RANBP17: variants seen among roughly 807,000 people sequenced by gnomAD.
The protein encoded by RANBP17 is RAN binding protein 17.
A neutral mutation model predicts 141.2 loss-of-function variants in RANBP17; 158 were observed. The observed-to-expected ratio is 1.12, with a 90% CI of 0.98 to 1.28. The LOEUF (loss-of-function observed/expected upper bound fraction) is 1.28. Ranked by LOEUF, RANBP17 falls within the 50% of genes most tolerant of loss-of-function variation. The probability of loss-of-function intolerance (pLI) is 0.00; values close to 1 mark genes in which losing one functional copy is unlikely to be tolerated. For synonymous variants in RANBP17, 430 were observed against 450.0 expected (o/e 0.96, Z 0.56); for missense variants, 1,438 against 1,290.7 (o/e 1.11, Z -1.75).
intron 14 of RANBP17, among the ~76,000 whole-genome samples, chr5:171,090,792 G>T (rs376103362): frequency 1.0e-3 from 159 of 152,342 alleles, no homozygotes; most frequent in African/African-American, 3.8e-3. Flanking sequence ...GCTTCAGAGG[G>T]TGGAAGCCCC....
chr5:170,947,718 T>C (rs1413447452), intron 12 of RANBP17, among the ~76,000 whole-genome samples: 1 of 152,074 alleles, frequency 6.6e-6, no homozygotes, highest in Non-Finnish European at 1.5e-5. Context: ...GAGTGTATAC[T>C]CTATCTAGTT....
chr5:170,867,866 C>G (rs530429365), intron 1 of RANBP17, among the ~76,000 whole-genome samples: 2 of 152,262 alleles, frequency 1.3e-5, no homozygotes, highest in African/African-American at 4.8e-5. Context: ...TCCATCCCCC[C>G]AAAAGTTTCC....
At chr5:171,265,350 C>T (rs931748266) in intron 24 of RANBP17, among the ~76,000 whole-genome samples, 1 of 152,164 alleles carries the variant, frequency 6.6e-6, no homozygotes, top group Admixed American at 6.5e-5. Context: ...GCCTGACCAA[C>T]ATGGAGAAAC....
At chr5:171,266,055 T>A (rs1766653970) in intron 25 of RANBP17, among the ~76,000 whole-genome samples, 1 of 152,188 alleles carries the variant, frequency 6.6e-6, no homozygotes, top group African/African-American at 2.4e-5. Flanking sequence ...ACCTGGGTTG[T>A]TCATCTCACC....
At chr5:171,287,421 C>T (rs1375425690) in intron 25 of RANBP17, among the ~76,000 whole-genome samples, 2 of 150,400 alleles carry the variant, frequency 1.3e-5, no homozygotes, top group Non-Finnish European at 2.9e-5. Flanking sequence ...ACCCCGGAGG[C>T]GGAGGTTGCA....
chr5:171,053,523 G>A (rs1302242288), intron 14 of RANBP17, among the ~76,000 whole-genome samples: 1 of 151,934 alleles, frequency 6.6e-6, no homozygotes, highest in Non-Finnish European at 1.5e-5. Flanking sequence ...TTGGATTGTT[G>A]ATTGCTAGTA....
intron 19 of RANBP17, among the ~76,000 whole-genome samples, chr5:171,202,328 T>C (rs1228375418): frequency 6.6e-6 from 1 of 152,168 alleles, no homozygotes; most frequent in African/African-American, 2.4e-5. Context: ...TGGTAAAATA[T>C]AGTCCAGTAC....
intron 14 of RANBP17, among the ~76,000 whole-genome samples, chr5:171,095,350 C>G (rs562066088): frequency 2.0e-4 from 30 of 152,140 alleles, no homozygotes; most frequent in African/African-American, 6.3e-4. Context: ...CATGTTTAGA[C>G]TGGTTTGTGG....
intron 14 of RANBP17, among the ~76,000 whole-genome samples, chr5:171,138,027 G>A (rs1757437115): frequency 6.6e-6 from 1 of 151,316 alleles, no homozygotes; most frequent in African/African-American, 2.4e-5. Flanking sequence ...CCATCACTAA[G>A]TATTCAAAAG....
At chr5:170,862,877 A>G (rs1413863259) in intron 1 of RANBP17, among the ~76,000 whole-genome samples, 1 of 152,226 alleles carries the variant, frequency 6.6e-6, no homozygotes, top group East Asian at 1.9e-4. Flanking sequence ...ATTACAGTAC[A>G]AGTGAAAAAT....
At chr5:171,297,057 A>G (rs1768864767) in intron 27 of RANBP17, among the ~76,000 whole-genome samples, 1 of 152,228 alleles carries the variant, frequency 6.6e-6, no homozygotes, top group Non-Finnish European at 1.5e-5. Context: ...ATCAGTTGTG[A>G]TGTTTAAATG....
At chr5:171,148,179 T>C (rs1373402768) in intron 14 of RANBP17, among the ~76,000 whole-genome samples, 1 of 152,104 alleles carries the variant, frequency 6.6e-6, no homozygotes, top group East Asian at 1.9e-4. Context: ...GTTAAACAGA[T>C]GCTTGAAGGC....
At chr5:171,133,808 T>A (rs1757090161) in intron 14 of RANBP17, among the ~76,000 whole-genome samples, 2 of 152,212 alleles carry the variant, frequency 1.3e-5, no homozygotes, top group Admixed American at 1.3e-4. Flanking sequence ...GTTCTTATTT[T>A]GAAAAAGAAC....
At position 170,914,220 on chromosome 5, in the gene RANBP17, C is replaced by T; in HGVS notation, c.814C>T (p.Pro272Ser). 2 of 1,606,472 alleles carry T rather than the reference C, an allele frequency of 1.2e-6. No individual in the cohort carries two copies. Among genetic ancestry groups the T allele is most frequent in the Non-Finnish European group, 1.7e-6 (2 of 1,173,578 alleles). The change falls in exon 8 of 28, where the codon CCA (proline) becomes TCA (serine). Residue 272 changes from proline to serine, a missense_variant. Transcript: ENST00000523189. The part of the protein sequence containing the change: ...DLFFNLYHSL[P>S]PLLSQLALSC... ...TTTCTTCAATTTGTATCATTCACTT[C>T]CACCACTACTATCTCAGTTAGTAAG...
chr5:170,979,184 C>G (rs1457677132), intron 14 of RANBP17, among the ~76,000 whole-genome samples: 2 of 152,092 alleles, frequency 1.3e-5, no homozygotes, highest in Non-Finnish European at 2.9e-5. Context: ...TAATGGTTAT[C>G]TCTGGTTGAG....
intron 13 of RANBP17, among the ~76,000 whole-genome samples, chr5:170,965,423 T>C (rs920099447): frequency 3.3e-5 from 5 of 152,176 alleles, no homozygotes; most frequent in African/African-American, 9.7e-5. Context: ...TTTGTCAATT[T>C]TGGCTTTTGT....
intron 22 of RANBP17, among the ~76,000 whole-genome samples, chr5:171,229,693 C>T (rs1764090459): frequency 6.9e-6 from 1 of 145,788 alleles, no homozygotes; most frequent in African/African-American, 2.5e-5. Context: ...CTGCGCCTGG[C>T]TGAGCATTTG....
chr5:171,095,927 A>G (rs1339266702), intron 14 of RANBP17, among the ~76,000 whole-genome samples: 1 of 152,102 alleles, frequency 6.6e-6, no homozygotes, highest in Non-Finnish European at 1.5e-5. Flanking sequence ...AAAATAAAGG[A>G]AGGTAGGGGA....
Position 171,138,770 on chromosome 5 carries a change from G to A in RANBP17, c.1711-31360G>A, listed in dbSNP as rs573676189. 4.7e-4 allele frequency among the ~76,000 whole-genome samples: 72 copies of A among 152,244 alleles called. 1 individual carries two copies. The highest frequency in any genetic ancestry group is 8.8e-4 in the Non-Finnish European group (60 of 68,032). On this transcript the variant is annotated intron_variant, in intron 14 of 27. Transcript: ENST00000523189. ...TTTGTACTATATTTGCAACTTTTCTGTATATCTAAAATTATGCCAGGCCAG... is the reference window on the plus strand; with the variant it reads ...TTTGTACTATATTTGCAACTTTTCTATATATCTAAAATTATGCCAGGCCAG...
Sources: allele counts gnomAD v4.1 joint callset (sites outside exome capture counted in the v4.1 genomes callset), GRCh38; gene constraint gnomAD v4.1.1; transcripts MANE v1.5; gene names NCBI Gene and HGNC (gene_info 2026-07-23, HGNC 2026-07-21).